The following SDK2 variants were observed in gnomAD, a reference collection of about 807,000 sequenced individuals.
The protein encoded by SDK2 is protein sidekick-2.
In SDK2, 105 loss-of-function variants were observed where a neutral mutation model predicts 253.9. That is an observed-to-expected ratio of 0.41 (90% CI 0.35 to 0.49). SDK2 has a LOEUF of 0.49. SDK2 is among the 20% of genes least tolerant of loss of function. SDK2 has a pLI of 0.06. For missense variants in SDK2, 2,608 were observed against 3,003.0 expected (o/e 0.87, Z 3.07); for synonymous variants, 1,249 against 1,234.9 (o/e 1.01, Z -0.24).
intron 2 of SDK2, among the ~76,000 whole-genome samples, chr17:73,506,084 C>T (rs34091116): frequency 0.24 from 35,834 of 152,238 alleles, 4,458 homozygotes; most frequent in East Asian, 0.32. Context: ...AGGCTAGGCC[C>T]GGCACTACTT....
At chr17:73,400,413 GGT>G (rs1264093694) in intron 21 of SDK2, among the ~76,000 whole-genome samples, 1 of 152,220 alleles carries the variant, frequency 6.6e-6, no homozygotes, top group Admixed American at 6.5e-5. Context: ...ACCATTGCCT[GGT>G]GTGGAATCTG....
chr17:73,446,007 A>G (rs9909121), intron 5 of SDK2, among the ~76,000 whole-genome samples: 82,845 of 151,844 alleles, frequency 0.55, 22,831 homozygotes, highest in African/African-American at 0.55. Context: ...AAGTCAGACA[A>G]GAAGAGTAGC....
chr17:73,341,339 G>A (rs1475765882), intron 44 of SDK2, among the ~76,000 whole-genome samples: 1 of 150,098 alleles, frequency 6.7e-6, no homozygotes, highest in Non-Finnish European at 1.5e-5. Context: ...AGTAAAATCT[G>A]AATTGTGGAG....
At chr17:73,370,273 C>A (rs1438019596) in intron 36 of SDK2, among the ~76,000 whole-genome samples, 1 of 152,162 alleles carries the variant, frequency 6.6e-6, no homozygotes, top group Admixed American at 6.5e-5. Context: ...AGACAGGCCT[C>A]ACTCTGTTGC....
At chr17:73,478,567 G>T (rs190502245) in intron 2 of SDK2, among the ~76,000 whole-genome samples, 3 of 152,200 alleles carry the variant, frequency 2.0e-5, no homozygotes, top group Admixed American at 6.5e-5. Flanking sequence ...TGAGCTCAGG[G>T]TGGAGGGCGC....
chr17:73,351,708 G>A (rs992150980), intron 41 of SDK2, among the ~76,000 whole-genome samples: 2 of 152,178 alleles, frequency 1.3e-5, no homozygotes, highest in Non-Finnish European at 2.9e-5. Context: ...CCCCTAGACT[G>A]TGCTTTCTGC....
intron 28 of SDK2, 91 bp from the exon 29 acceptor site, chr17:73,390,572 G>A (rs1196109817): frequency 7.6e-7 from 1 of 1,321,762 alleles, no homozygotes; most frequent in Non-Finnish European, 1.0e-6. Context: ...AGCCACAGCT[G>A]TGTCTGTACA....
intron 1 of SDK2, among the ~76,000 whole-genome samples, chr17:73,589,889 C>A (rs987074755): frequency 2.0e-5 from 3 of 152,228 alleles, no homozygotes; most frequent in Admixed American, 2.0e-4. Flanking sequence ...TTGCTGTAAT[C>A]AGGTGAACAG....
At chr17:73,358,946 A>G (rs1402003181) in intron 39 of SDK2, among the ~76,000 whole-genome samples, 1 of 152,000 alleles carries the variant, frequency 6.6e-6, no homozygotes, top group Non-Finnish European at 1.5e-5. Flanking sequence ...GCTGGAGCAG[A>G]TGAGAGGAGG....
chr17:73,447,434 C>T lies in SDK2; in HGVS notation c.613+181G>A, dbSNP rs4789622. On this transcript the variant is annotated intron_variant, in intron 5 of 44. Transcript: ENST00000392650. This position sits in a 1 kb window ranked among gnomAD's most constrained non-coding sequence, Gnocchi z 4.0. The stretch of plus-strand genomic sequence containing the variant: ...GGCTCCAGCGTTCAGCTGCTCCTTT[C>T]CTGCCCAGGCACCCCTGGCTCTGCT... 0.55 allele frequency among the ~76,000 whole-genome samples: 84,006 copies of T among 151,834 alleles called. 23,444 individuals carry two copies. Among genetic ancestry groups the T allele is most frequent in the African/African-American group, 0.58 (23,835 of 41,396 alleles).
chr17:73,461,459 G>T (rs2063562018), intron 3 of SDK2, among the ~76,000 whole-genome samples: 2 of 152,242 alleles, frequency 1.3e-5, no homozygotes, highest in South Asian at 4.1e-4. Flanking sequence ...ACTTCAGACT[G>T]GGATTTAGGT....
chr17:73,625,982 G>T (rs545176752), intron 1 of SDK2, among the ~76,000 whole-genome samples: 1 of 152,242 alleles, frequency 6.6e-6, no homozygotes, highest in African/African-American at 2.4e-5. Flanking sequence ...AAAAGATGCC[G>T]CTGGTCCTGC....
At chr17:73,487,987 T>G (rs1863122400) in intron 2 of SDK2, among the ~76,000 whole-genome samples, 1 of 151,954 alleles carries the variant, frequency 6.6e-6, no homozygotes, top group African/African-American at 2.4e-5. Flanking sequence ...CCTCGGACAC[T>G]CCATCTGTAT....
At position 73,639,376 on chromosome 17, in the gene SDK2, C is replaced by A. The variant is rs536365931; in HGVS notation, c.64+4649G>T. Among the ~76,000 whole-genome samples, 69 of 152,292 alleles carry A rather than the reference C, an allele frequency of 4.5e-4. No individual in the cohort carries two copies. The highest frequency in any genetic ancestry group is 1.7e-3 in the African/African-American group (69 of 41,568). On this transcript the variant is annotated intron_variant, in intron 1 of 44. Coordinates refer to ENST00000392650, the MANE Select transcript of SDK2 (RefSeq NM_001144952.2). This position sits in a 1 kb window ranked among gnomAD's most constrained non-coding sequence, Gnocchi z 4.3. ...CCCGGGGATGCTGAGCATCCCTGCT[C>A]AACGCTGCTCACTGGCTCTGCCTCC...
chr17:73,611,271 A>G (rs2045971229), intron 1 of SDK2, among the ~76,000 whole-genome samples: 1 of 152,092 alleles, frequency 6.6e-6, no homozygotes, highest in Admixed American at 6.5e-5. Context: ...CCCCTCACCC[A>G]AGTTCAGCCT....
At chr17:73,396,361 G>T (rs545150006) in intron 24 of SDK2, among the ~76,000 whole-genome samples, 1 of 152,220 alleles carries the variant, frequency 6.6e-6, no homozygotes, top group East Asian at 1.9e-4. Flanking sequence ...ACTCTGAAGG[G>T]CACAGAGCTG....
chr17:73,542,127 C>T (rs1599663606), intron 1 of SDK2, among the ~76,000 whole-genome samples: 1 of 152,350 alleles, frequency 6.6e-6, no homozygotes, highest in Non-Finnish European at 1.5e-5. Flanking sequence ...GGGACTGGCC[C>T]ATCTCATCAC....
At chr17:73,565,702 G>A (rs923836020) in intron 1 of SDK2, among the ~76,000 whole-genome samples, 3 of 152,256 alleles carry the variant, frequency 2.0e-5, no homozygotes, top group Non-Finnish European at 4.4e-5. Flanking sequence ...CAGTGTTAGA[G>A]GTGCAGTCTA....
chr17:73,354,053 T>A (rs1166715076), intron 40 of SDK2, among the ~76,000 whole-genome samples: 2 of 152,048 alleles, frequency 1.3e-5, no homozygotes, highest in Non-Finnish European at 2.9e-5. Flanking sequence ...TTTAAAAAAA[T>A]TGTTTTGAGA....
Sources: allele counts gnomAD v4.1 joint callset (sites outside exome capture counted in the v4.1 genomes callset), GRCh38; gene constraint gnomAD v4.1.1; non-coding constraint Gnocchi (gnomAD v3.1); transcripts MANE v1.5; gene names NCBI Gene and HGNC (gene_info 2026-07-23, HGNC 2026-07-21).